The following KALRN variants were observed in gnomAD, a reference collection of about 807,000 sequenced individuals.
The protein encoded by KALRN is kalirin.
A neutral mutation model predicts 353.7 loss-of-function variants in KALRN; 70 were observed. That is an observed-to-expected ratio of 0.20 (90% CI 0.16 to 0.24). The LOEUF is 0.24. Among genes scored for constraint, KALRN ranks in the 10% least tolerant of loss-of-function variants. The probability of loss-of-function intolerance (pLI) is 1.00; values close to 1 mark genes in which losing one functional copy is unlikely to be tolerated. For missense variants in KALRN, 2,791 were observed against 3,756.7 expected (o/e 0.74, Z 6.72); for synonymous variants, 1,391 against 1,434.8 (o/e 0.97, Z 0.69).
chr3:124,105,566 A>G (rs1434378294), intron 1 of KALRN, among the ~76,000 whole-genome samples: 1 of 152,124 alleles, frequency 6.6e-6, no homozygotes, highest in African/African-American at 2.4e-5. Context: ...AGGACATAAT[A>G]ATTTCGTGGG....
At chr3:124,233,634 G>A (rs571832306) in intron 2 of KALRN, among the ~76,000 whole-genome samples, 2 of 152,254 alleles carry the variant, frequency 1.3e-5, no homozygotes, top group South Asian at 2.1e-4. Flanking sequence ...CCCTCTATCT[G>A]TGTGGCTTCT....
intron 1 of KALRN, among the ~76,000 whole-genome samples, chr3:124,119,208 C>T (rs2063741173): frequency 6.6e-6 from 1 of 152,108 alleles, no homozygotes; most frequent in Non-Finnish European, 1.5e-5. Flanking sequence ...GTGTCAGAGA[C>T]AGTGCAACTG....
chr3:124,679,317 C>T, intron 50 of KALRN, 141 bp from the exon 51 acceptor site: 3 of 680,472 alleles, frequency 4.4e-6, no homozygotes, highest in Non-Finnish European at 7.7e-6. Context: ...TTCTCACCCC[C>T]ACTTTAAAAA....
chr3:124,554,432 C>G (rs1358302477), intron 33 of KALRN, among the ~76,000 whole-genome samples: 1 of 152,170 alleles, frequency 6.6e-6, no homozygotes, highest in Non-Finnish European at 1.5e-5. Context: ...GGAAAATTTC[C>G]TTGACATTAT....
chr3:124,183,288 G>C (rs951263772), intron 1 of KALRN, among the ~76,000 whole-genome samples: 1 of 152,174 alleles, frequency 6.6e-6, no homozygotes, highest in African/African-American at 2.4e-5. Flanking sequence ...TCTGCAGGCT[G>C]TATAGGAAGC....
chr3:124,362,204 A>T (rs926900775), intron 10 of KALRN, among the ~76,000 whole-genome samples: 1 of 152,240 alleles, frequency 6.6e-6, no homozygotes, highest in Non-Finnish European at 1.5e-5. Flanking sequence ...ACCAAAAAAT[A>T]AACACACATC....
At chr3:124,560,112 T>C (rs1005525522) in intron 33 of KALRN, among the ~76,000 whole-genome samples, 1 of 152,226 alleles carries the variant, frequency 6.6e-6, no homozygotes, top group Admixed American at 6.5e-5. Context: ...TCCTCTCCCG[T>C]CCAGCCCATG....
At chr3:124,616,024 A>C (rs1246710535) in intron 34 of KALRN, among the ~76,000 whole-genome samples, 3 of 152,210 alleles carry the variant, frequency 2.0e-5, no homozygotes, top group African/African-American at 7.2e-5. Flanking sequence ...CTAAGCCTTC[A>C]CACTTTCTTT....
intron 33 of KALRN, among the ~76,000 whole-genome samples, chr3:124,550,291 C>T (rs547028652): frequency 8.6e-5 from 13 of 151,994 alleles, no homozygotes; most frequent in African/African-American, 2.7e-4. Flanking sequence ...TGGAGGGAGC[C>T]GGAAGGGAGG....
At chr3:124,186,588 C>G (rs2074256646) in intron 1 of KALRN, among the ~76,000 whole-genome samples, 1 of 152,192 alleles carries the variant, frequency 6.6e-6, no homozygotes. Context: ...CAACCAGAAC[C>G]TGTCCTAAGC....
intron 24 of KALRN, among the ~76,000 whole-genome samples, chr3:124,462,260 T>A (rs2059924576): frequency 6.6e-6 from 1 of 152,158 alleles, no homozygotes; most frequent in Admixed American, 6.5e-5. Flanking sequence ...GGTCTGAAAA[T>A]CTGCATCCTG....
chr3:124,552,688 T>C (rs2070694135), intron 33 of KALRN, among the ~76,000 whole-genome samples: 1 of 152,126 alleles, frequency 6.6e-6, no homozygotes, highest in South Asian at 2.1e-4. Context: ...TTGGGAATAG[T>C]TTACTATTTT....
chr3:124,488,378 A>G (rs780229064), intron 29 of KALRN, 63 bp downstream of exon 29: 4 of 1,100,914 alleles, frequency 3.6e-6, no homozygotes, highest in Non-Finnish European at 5.6e-6. Context: ...AGCTTGTATC[A>G]TGGGAGGGAA....
intron 34 of KALRN, among the ~76,000 whole-genome samples, chr3:124,609,399 A>G (rs2077689755): frequency 6.6e-6 from 1 of 152,106 alleles, no homozygotes; most frequent in South Asian, 2.1e-4. Flanking sequence ...GGGGTCTCTG[A>G]CCTGAGTTTG....
intron 9 of KALRN, among the ~76,000 whole-genome samples, chr3:124,345,189 T>G (rs964034935): frequency 6.6e-6 from 1 of 152,256 alleles, no homozygotes; most frequent in Non-Finnish European, 1.5e-5. Context: ...TTCTTTTATA[T>G]GCAAAAAATT....
chr3:124,309,935 G>A (rs916198166), intron 6 of KALRN, among the ~76,000 whole-genome samples: 2 of 151,966 alleles, frequency 1.3e-5, no homozygotes, highest in African/African-American at 4.8e-5. Context: ...GCAATTATTC[G>A]GGAAAAAGAA....
chr3:124,209,081 T>A (rs1045233675), intron 1 of KALRN, among the ~76,000 whole-genome samples: 1 of 152,038 alleles, frequency 6.6e-6, no homozygotes. Context: ...ATAGCTGCAA[T>A]TGATTATTTA....
chr3:124,471,667 G>T (rs997740519), intron 25 of KALRN, among the ~76,000 whole-genome samples: 1 of 152,006 alleles, frequency 6.6e-6, no homozygotes, highest in African/African-American at 2.4e-5. Context: ...CTGGGGGTAG[G>T]CAGATGGGTG....
chr3:124,627,126 C>T (rs2080051562), intron 34 of KALRN, among the ~76,000 whole-genome samples: 1 of 152,330 alleles, frequency 6.6e-6, no homozygotes, highest in East Asian at 1.9e-4. Context: ...GCCAATCCCT[C>T]TGAAGAAGCG....
Sources: allele counts gnomAD v4.1 joint callset (sites outside exome capture counted in the v4.1 genomes callset), GRCh38; gene constraint gnomAD v4.1.1; transcripts MANE v1.5; gene names NCBI Gene and HGNC (gene_info 2026-07-23, HGNC 2026-07-21).